Variants in PVT1 observed in about 807,000 individuals in gnomAD.
The protein encoded by PVT1 is CXCR4/PVT1 fusion.
chr8:128,029,582 A>G (rs1813364235), intron 4 of PVT1, among the ~76,000 whole-genome samples: 1 of 152,052 alleles, frequency 6.6e-6, no homozygotes, highest in African/African-American at 2.4e-5. Flanking sequence ...CAGGTGGATC[A>G]TGAGGTTAGG....
rs1280832628 is a variant in PVT1, at chr8:127,817,546, T to TATATATATATATATATATATAC, written n.372+21476_372+21477insTATATATATATATATATATACA. On this transcript the variant is annotated intron_variant and non_coding_transcript_variant, in intron 2 of 10. Coordinates refer to ENST00000651587, the Ensembl canonical transcript of PVT1. ...CTATTTAAATATATATATATATATA[T>TATATATATATATATATATATAC]ACACACACACACACATATATATATA... 7.8e-5 allele frequency among the ~76,000 whole-genome samples: 7 copies of TATATATATATATATATATATAC among 89,950 alleles called. No individual in the cohort carries two copies. In the East Asian group the frequency reaches 2.1e-3, roughly 27 times the overall value. 59.0% of individuals were successfully genotyped at this position (89,950 alleles called of 152,430 possible).
At chr8:127,951,897 C>A (rs1816509788) in intron 3 of PVT1, among the ~76,000 whole-genome samples, 1 of 151,780 alleles carries the variant, frequency 6.6e-6, no homozygotes, top group Non-Finnish European at 1.5e-5. Context: ...CTTACTGCAA[C>A]CTCCAACTCC....
chr8:127,866,321 CT>C (rs989956114), intron 2 of PVT1, among the ~76,000 whole-genome samples: 11 of 152,082 alleles, frequency 7.2e-5, no homozygotes, highest in African/African-American at 2.4e-4. Flanking sequence ...ATGGCTGCCC[CT>C]GGGTCTGCTT....
chr8:127,876,807 G>A (rs1815410494), intron 2 of PVT1, among the ~76,000 whole-genome samples: 1 of 152,178 alleles, frequency 6.6e-6, no homozygotes, highest in Admixed American at 6.5e-5. Flanking sequence ...CTGGTCATGG[G>A]CTGTTCGTGC....
intron 4 of PVT1, among the ~76,000 whole-genome samples, chr8:128,018,009 G>T (rs969808154): frequency 1.3e-5 from 2 of 152,126 alleles, no homozygotes; most frequent in African/African-American, 4.8e-5. Flanking sequence ...AACATTTTCC[G>T]AATCCTGTTG....
At chr8:127,992,302 C>T (rs1004091887) in intron 4 of PVT1, among the ~76,000 whole-genome samples, 4 of 152,230 alleles carry the variant, frequency 2.6e-5, no homozygotes, top group Non-Finnish European at 5.9e-5. Context: ...ACAAGAGTCA[C>T]TTGAAACTGG....
intron 2 of PVT1, among the ~76,000 whole-genome samples, chr8:127,853,751 A>C (rs1815130254): frequency 6.6e-6 from 1 of 152,036 alleles, no homozygotes; most frequent in East Asian, 1.9e-4. Context: ...GCTCTACTCT[A>C]GCCTGTCTCA....
chr8:128,049,405 T>A (rs1222388238), intron 4 of PVT1, among the ~76,000 whole-genome samples: 1 of 152,208 alleles, frequency 6.6e-6, no homozygotes, highest in Non-Finnish European at 1.5e-5. Context: ...CCTGCCCTTC[T>A]CTTGAGAGGC....
intron 3 of PVT1, among the ~76,000 whole-genome samples, chr8:127,945,181 A>AT (rs891433809): frequency 4.6e-5 from 7 of 151,724 alleles, no homozygotes; most frequent in Non-Finnish European, 7.4e-5. Flanking sequence ...TGCTTGATGC[A>AT]TTTTTTTTCT....
chr8:128,095,002 A>T (rs1814408921), intron 5 of PVT1, among the ~76,000 whole-genome samples: 2 of 152,190 alleles, frequency 1.3e-5, no homozygotes, highest in African/African-American at 4.8e-5. Flanking sequence ...AACTTCTATT[A>T]GGTTTATCAG....
chr8:127,905,593 T>A (rs1050877096), intron 3 of PVT1, among the ~76,000 whole-genome samples: 10 of 152,248 alleles, frequency 6.6e-5, no homozygotes, highest in African/African-American at 2.4e-4. Flanking sequence ...GAGCACCTAC[T>A]ATGTGCAGGG....
intron 2 of PVT1, among the ~76,000 whole-genome samples, chr8:127,842,625 C>T (rs1341680216): frequency 6.6e-6 from 1 of 152,018 alleles, no homozygotes; most frequent in East Asian, 1.9e-4. Flanking sequence ...ACAGAAAGGC[C>T]GAGTCTCTCC....
At chr8:127,885,000 A>G (rs1284465339) in intron 2 of PVT1, among the ~76,000 whole-genome samples, 1 of 152,198 alleles carries the variant, frequency 6.6e-6, no homozygotes, top group Non-Finnish European at 1.5e-5. Flanking sequence ...TAAATATTCA[A>G]CAGACTGTGT....
At chr8:127,850,201 C>G (rs956483727) in intron 2 of PVT1, among the ~76,000 whole-genome samples, 1 of 152,154 alleles carries the variant, frequency 6.6e-6, no homozygotes, top group Admixed American at 6.5e-5. Context: ...TTCTATACCA[C>G]CCACCCTAGG....
chr8:127,867,124 C>G (rs1290395547), intron 2 of PVT1, among the ~76,000 whole-genome samples: 1 of 152,250 alleles, frequency 6.6e-6, no homozygotes, highest in Non-Finnish European at 1.5e-5. Flanking sequence ...TGCTCAAGAC[C>G]TGCCTGCGGC....
chr8:127,881,787 A>T (rs1265115533), intron 2 of PVT1, among the ~76,000 whole-genome samples: 1 of 151,920 alleles, frequency 6.6e-6, no homozygotes, highest in Non-Finnish European at 1.5e-5. Context: ...ACAGGGTCTT[A>T]CTTTGTCACC....
chr8:127,811,339 T>C (rs1164307498), intron 2 of PVT1, among the ~76,000 whole-genome samples: 2 of 152,214 alleles, frequency 1.3e-5, no homozygotes, highest in South Asian at 2.1e-4. Context: ...CAAATACCTG[T>C]GGGCCGTATG....
chr8:127,818,047 G>A (rs1270140020), intron 2 of PVT1, among the ~76,000 whole-genome samples: 1 of 152,126 alleles, frequency 6.6e-6, no homozygotes, highest in Admixed American at 6.5e-5. Context: ...AAGGGAAACA[G>A]CCCGGGTCCA....
chr8:127,800,270 G>C (rs141334135), intron 2 of PVT1, among the ~76,000 whole-genome samples: 138 of 152,190 alleles, frequency 9.1e-4, no homozygotes, highest in Non-Finnish European at 1.5e-3. Context: ...TTCATTTCCT[G>C]AGCAGTTGCT....
Sources: allele counts gnomAD v4.1 joint callset (sites outside exome capture counted in the v4.1 genomes callset), GRCh38; gene constraint gnomAD v4.1.1; transcripts MANE v1.5; gene names NCBI Gene and HGNC (gene_info 2026-07-23, HGNC 2026-07-21).